EYA1: variants seen among roughly 807,000 people sequenced by gnomAD.
EYA1 encodes the protein protein phosphatase EYA1.
Under a neutral mutation model 82.0 loss-of-function variants are expected in EYA1, and 16 were observed. The ratio of observed to expected loss-of-function variants is 0.20; its 90% CI spans 0.13 to 0.30. The LOEUF is 0.30. EYA1 is among the 10% of genes least tolerant of loss of function. The probability of loss-of-function intolerance (pLI) is 1.00; values close to 1 mark genes in which losing one functional copy is unlikely to be tolerated. For missense variants in EYA1, 633 were observed against 730.7 expected (o/e 0.87, Z 1.54); for synonymous variants, 261 against 264.4 (o/e 0.99, Z 0.12).
chr8:71,317,486 GT>G, intron 7 of EYA1, 65 bp downstream of exon 7: 10 of 1,525,114 alleles, frequency 6.6e-6, no homozygotes, highest in Non-Finnish European at 9.1e-6. Flanking sequence ...GGAACATCAG[GT>G]TCTACTTTAG....
intron 9 of EYA1, among the ~76,000 whole-genome samples, chr8:71,294,694 A>T (rs1336123694): frequency 6.6e-6 from 1 of 152,254 alleles, no homozygotes; most frequent in Non-Finnish European, 1.5e-5. Flanking sequence ...ACGTGATTCC[A>T]GCCAAAATCC....
chr8:71,319,130 A>T (rs1407536812), intron 6 of EYA1, among the ~76,000 whole-genome samples: 1 of 137,030 alleles, frequency 7.3e-6, no homozygotes, highest in African/African-American at 2.9e-5. Context: ...CCAATAATTC[A>T]TGTATTTTTT....
intron 12 of EYA1, among the ~76,000 whole-genome samples, chr8:71,220,844 G>C (rs1809812611): frequency 1.3e-5 from 2 of 152,184 alleles, no homozygotes; most frequent in Non-Finnish European, 2.9e-5. Context: ...GAGGTAGGAG[G>C]AAGGAGCCAG....
intron 2 of EYA1, among the ~76,000 whole-genome samples, chr8:71,432,007 G>T (rs1805654940): frequency 6.6e-6 from 1 of 152,076 alleles, no homozygotes; most frequent in South Asian, 2.1e-4. Context: ...ATACAATTCT[G>T]ACTACTCCAC....
intron 9 of EYA1, among the ~76,000 whole-genome samples, chr8:71,286,272 A>G (rs1455689026): frequency 6.6e-6 from 1 of 152,222 alleles, no homozygotes; most frequent in Non-Finnish European, 1.5e-5. Context: ...TCACTGAGGA[A>G]TGCTACGGAA....
At chr8:71,382,817 T>A (rs562728448) in intron 2 of EYA1, among the ~76,000 whole-genome samples, 5 of 152,238 alleles carry the variant, frequency 3.3e-5, no homozygotes, top group African/African-American at 1.2e-4. Context: ...CTCACAGAAA[T>A]CATATCGATT....
intron 9 of EYA1, among the ~76,000 whole-genome samples, chr8:71,277,723 C>T (rs1338964389): frequency 1.3e-5 from 2 of 152,180 alleles, no homozygotes; most frequent in Non-Finnish European, 2.9e-5. Context: ...TGTTTGCACA[C>T]TGAGAGCATG....
chr8:71,481,466 G>T (rs1377937632), intron 2 of EYA1, among the ~76,000 whole-genome samples: 1 of 152,070 alleles, frequency 6.6e-6, no homozygotes, highest in Non-Finnish European at 1.5e-5. Context: ...CTTATTTTTT[G>T]ATATTTTTTC....
At position 71,298,913 on chromosome 8, in the gene EYA1, T is replaced by C. The variant is rs1819879985; in HGVS notation, c.826+134A>G. 4 of 751,386 alleles carry C rather than the reference T, an allele frequency of 5.3e-6. No homozygotes were observed. The East Asian group carries it at 1.1e-4, about 20-fold the overall frequency. 46.5% of individuals were successfully genotyped at this position (751,386 alleles called of 1,614,324 possible). On this transcript the variant is annotated intron_variant, in intron 9 of 17. Coordinates refer to ENST00000340726, the MANE Select transcript of EYA1 (RefSeq NM_000503.6). ...ATAAAAATGAATGCCACAGTCATGC[T>C]GCTTGACTTATATTTAGTCCTTGCC...
At chr8:71,367,797 G>A (rs1827842253) in intron 2 of EYA1, among the ~76,000 whole-genome samples, 1 of 152,076 alleles carries the variant, frequency 6.6e-6, no homozygotes, top group Non-Finnish European at 1.5e-5. Flanking sequence ...TTGGGTCCTT[G>A]GATTTTACTT....
chr8:71,500,638 A>C (rs1195014754), intron 2 of EYA1, among the ~76,000 whole-genome samples: 1 of 152,206 alleles, frequency 6.6e-6, no homozygotes, highest in East Asian at 1.9e-4. Flanking sequence ...ATGACTATAC[A>C]CAACTTCGAT....
intron 2 of EYA1, among the ~76,000 whole-genome samples, chr8:71,442,066 T>G (rs1490832744): frequency 2.0e-5 from 3 of 152,208 alleles, no homozygotes; most frequent in Non-Finnish European, 2.9e-5. Flanking sequence ...TTTCTGCTGC[T>G]TAAGCCACCT....
chr8:71,355,022 T>C, intron 2 of EYA1, 113 bp from the exon 3 acceptor site: 1 of 1,077,902 alleles, frequency 9.3e-7, no homozygotes, highest in Non-Finnish European at 1.4e-6. Flanking sequence ...TCCCATTGTA[T>C]CTATTTCTTA....
chr8:71,406,741 T>G (rs1830260102), intron 2 of EYA1, among the ~76,000 whole-genome samples: 1 of 151,170 alleles, frequency 6.6e-6, no homozygotes, highest in Non-Finnish European at 1.5e-5. Flanking sequence ...GGAATCTCGC[T>G]GATTGCTAGC....
chr8:71,215,236 A>C, intron 16 of EYA1, 151 bp downstream of exon 16: 1 of 753,672 alleles, frequency 1.3e-6, no homozygotes, highest in East Asian at 2.7e-5. Flanking sequence ...TCTTACGTCT[A>C]AATCCAGTTT....
At chr8:71,270,149 A>G (rs905613806) in intron 10 of EYA1, 10 of 247,060 alleles carry the variant, frequency 4.0e-5, no homozygotes, top group African/African-American at 2.0e-4. Flanking sequence ...TAGTCTGGTT[A>G]TAACTTGAGA....
At chr8:71,433,240 G>A (rs1445286378) in intron 2 of EYA1, among the ~76,000 whole-genome samples, 3 of 152,220 alleles carry the variant, frequency 2.0e-5, no homozygotes, top group Non-Finnish European at 2.9e-5. Context: ...AAATAACAGT[G>A]TTTTGCACAT....
At chr8:71,373,001 T>A (rs1195274782) in intron 2 of EYA1, among the ~76,000 whole-genome samples, 1 of 152,080 alleles carries the variant, frequency 6.6e-6, no homozygotes, top group African/African-American at 2.4e-5. Flanking sequence ...AAAGGCCATT[T>A]ATAAAAGGTC....
chr8:71,492,551 G>A (rs1460952990), intron 2 of EYA1, among the ~76,000 whole-genome samples: 7 of 150,600 alleles, frequency 4.6e-5, no homozygotes, highest in Admixed American at 2.0e-4. Context: ...TGCAAGCTCC[G>A]CCTCCCGGGT....
Sources: allele counts gnomAD v4.1 joint callset (sites outside exome capture counted in the v4.1 genomes callset), GRCh38; gene constraint gnomAD v4.1.1; transcripts MANE v1.5; gene names NCBI Gene and HGNC (gene_info 2026-07-23, HGNC 2026-07-21).